Variants in ARHGEF10L observed in about 807,000 individuals in gnomAD.
ARHGEF10L encodes rho guanine nucleotide exchange factor 10-like protein.
A neutral mutation model predicts 141.2 loss-of-function variants in ARHGEF10L; 69 were observed. The observed-to-expected ratio is 0.49, with a 90% confidence interval of 0.40 to 0.60. ARHGEF10L has a LOEUF of 0.60. Ranked by LOEUF, ARHGEF10L falls within the 20% of genes least tolerant of loss-of-function variation. ARHGEF10L has a pLI of 0.00. For synonymous variants in ARHGEF10L, 711 were observed against 718.5 expected (o/e 0.99, Z 0.17); for missense variants, 1,482 against 1,734.3 (o/e 0.85, Z 2.58).
the ARHGEF10L span, among the ~76,000 whole-genome samples, chr1:17,529,824 CTTTTTTTTTT>C: frequency 3.0e-5 from 2 of 67,158 alleles, no homozygotes; most frequent in African/African-American, 5.8e-5. Flanking sequence ...ACACATCAGT[CTTTTTTTTTT>C]TTTTTTTTTT....
intron 1 of ARHGEF10L, among the ~76,000 whole-genome samples, chr1:17,547,617 G>A (rs761745529): frequency 6.6e-6 from 1 of 152,180 alleles, no homozygotes; most frequent in Non-Finnish European, 1.5e-5. Context: ...GTTAAATTAA[G>A]TAGGAAAATA....
chr1:17,549,630 C>T (rs2077040877), intron 1 of ARHGEF10L, among the ~76,000 whole-genome samples: 2 of 152,104 alleles, frequency 1.3e-5, no homozygotes, highest in South Asian at 2.1e-4. Context: ...AGCCCTGAGG[C>T]CAGATGAACT....
Position 17,607,764 on chromosome 1 carries a change from T to C in ARHGEF10L, c.434-38T>C, listed in dbSNP as rs1429080481. On this transcript the variant is annotated intron_variant, in intron 6 of 28. Coordinates refer to ENST00000361221, the MANE Select transcript of ARHGEF10L (RefSeq NM_018125.4). The surrounding 1 kb of genome is among the most constrained non-coding windows in gnomAD (Gnocchi z 4.5). ...GGCTGGAAGTCTGGTAGGCTTGGCC[T>C]CAGGGCCTGGGCTCACCGGCTGCCG... The C allele has an allele frequency of 1.4e-6, 2 of 1,479,034 alleles. No homozygotes were observed. The highest frequency in any genetic ancestry group is 1.8e-6 in the Non-Finnish European group (2 of 1,117,390). The allele number at this position is 1,479,034 out of a possible 1,614,324, so 91.6% of individuals were successfully genotyped here.
chr1:17,590,623 G>A lies in ARHGEF10L; in HGVS notation c.257+2144G>A, dbSNP rs74059334. Among the ~76,000 whole-genome samples the A allele has an allele frequency of 9.7e-3, 1,471 of 152,252 alleles. 25 individuals carry two copies. Among genetic ancestry groups the A allele is most frequent in the African/African-American group, 0.034 (1,403 of 41,536 alleles). On this transcript the variant is annotated intron_variant, in intron 4 of 28. Coordinates refer to ENST00000361221, the MANE Select transcript of ARHGEF10L (RefSeq NM_018125.4). ...CAGGCACGGGGTGAGTGCCAAAGAC[G>A]TCCTTGGTGAACGAATGATGGACAG...
chr1:17,548,646 C>CTTTTTTTT (rs892480738), intron 1 of ARHGEF10L, among the ~76,000 whole-genome samples: 9 of 88,322 alleles, frequency 1.0e-4, no homozygotes, highest in African/African-American at 1.9e-4. Flanking sequence ...CAAAATAATT[C>CTTTTTTTT]TTTTTTTTTT....
At chr1:17,620,755 C>T (rs78646552) in intron 10 of ARHGEF10L, among the ~76,000 whole-genome samples, 4 of 152,084 alleles carry the variant, frequency 2.6e-5, no homozygotes, top group African/African-American at 9.7e-5. Flanking sequence ...CACCTCCCAA[C>T]CCGAGATCGA....
intron 2 of ARHGEF10L, among the ~76,000 whole-genome samples, chr1:17,584,037 A>G (rs1046841301): frequency 6.6e-6 from 1 of 151,696 alleles, no homozygotes. Context: ...TTATTAAAAA[A>G]TTTTTACTTT....
At chr1:17,577,709 T>C (rs951127022) in intron 1 of ARHGEF10L, among the ~76,000 whole-genome samples, 2 of 152,238 alleles carry the variant, frequency 1.3e-5, no homozygotes, top group African/African-American at 4.8e-5. Flanking sequence ...GGCAGTGCGA[T>C]CAGAGGATTG....
chr1:17,629,450 C>T (rs1017503002), intron 15 of ARHGEF10L, among the ~76,000 whole-genome samples: 1 of 152,208 alleles, frequency 6.6e-6, no homozygotes, highest in Non-Finnish European at 1.5e-5. Flanking sequence ...GACCCACCTT[C>T]CCACGTGGCA....
At chr1:17,682,381 A>G (rs2064193925) in intron 26 of ARHGEF10L, among the ~76,000 whole-genome samples, 2 of 152,158 alleles carry the variant, frequency 1.3e-5, no homozygotes, top group South Asian at 4.1e-4. Flanking sequence ...CCCACCACAT[A>G]GGTTCAGAAT....
At chr1:17,657,834 C>T (rs930290865) in intron 25 of ARHGEF10L, among the ~76,000 whole-genome samples, 3 of 152,224 alleles carry the variant, frequency 2.0e-5, no homozygotes, top group Non-Finnish European at 4.4e-5. Flanking sequence ...ACTGTGAGCC[C>T]GGCCTGTGCC....
rs143489900 is a variant in ARHGEF10L at position 17,635,731 on chromosome 1, C to T, written c.1927+715C>T. The stretch of plus-strand genomic sequence containing the variant: ...GGGTGATTGATCGGTTGATGTCTCT[C>T]CTCTCAGCCTGGCTGCAGCTCTGTC... On this transcript the variant is annotated intron_variant, in intron 18 of 28. Coordinates refer to ENST00000361221, the MANE Select transcript of ARHGEF10L (RefSeq NM_018125.4). Among the ~76,000 whole-genome samples, 586 of 152,286 alleles carry T rather than the reference C, an allele frequency of 3.8e-3. 6 individuals carry two copies. The highest frequency in any genetic ancestry group is 4.7e-3 in the Non-Finnish European group (323 of 68,022).
intron 6 of ARHGEF10L, among the ~76,000 whole-genome samples, chr1:17,604,076 G>A (rs1486095022): frequency 6.6e-6 from 1 of 152,098 alleles, no homozygotes; most frequent in Non-Finnish European, 1.5e-5. Flanking sequence ...CTCACCTGAT[G>A]GAAGAGAGGA....
chr1:17,629,012 T>C (rs944015695), intron 15 of ARHGEF10L, among the ~76,000 whole-genome samples: 2 of 152,098 alleles, frequency 1.3e-5, no homozygotes, highest in Non-Finnish European at 2.9e-5. Context: ...ACACAGTATT[T>C]TATTCTATTT....
At chr1:17,565,696 G>C (rs1055678090) in intron 1 of ARHGEF10L, among the ~76,000 whole-genome samples, 2 of 152,190 alleles carry the variant, frequency 1.3e-5, no homozygotes, top group Admixed American at 6.5e-5. Context: ...CTAGGCTCCG[G>C]GACACAGGGC....
At chr1:17,646,611 A>G (rs1264673758) in intron 21 of ARHGEF10L, among the ~76,000 whole-genome samples, 6 of 152,096 alleles carry the variant, frequency 3.9e-5, no homozygotes, top group Non-Finnish European at 5.9e-5. Context: ...CACAACGAAG[A>G]AGAGCCACAC....
intron 22 of ARHGEF10L, among the ~76,000 whole-genome samples, chr1:17,648,895 G>C (rs1292478727): frequency 1.3e-5 from 2 of 152,254 alleles, no homozygotes; most frequent in Non-Finnish European, 2.9e-5. Flanking sequence ...TGTGGGTCAA[G>C]TGAATGGAAA....
At chr1:17,567,324 C>T (rs2077798070) in intron 1 of ARHGEF10L, among the ~76,000 whole-genome samples, 2 of 152,172 alleles carry the variant, frequency 1.3e-5, no homozygotes, top group Non-Finnish European at 1.5e-5. Flanking sequence ...GCTGGTGGAT[C>T]ATTGAAGGTT....
intron 17 of ARHGEF10L, 52 bp downstream of exon 17, chr1:17,634,614 C>G: frequency 6.2e-7 from 1 of 1,604,492 alleles, no homozygotes; most frequent in South Asian, 1.1e-5. Context: ...CTCTGGGGCT[C>G]TGGTGCCATG....
Sources: gnomAD v4.1 joint callset for allele counts (sites outside exome capture counted in the v4.1 genomes callset) on GRCh38, gnomAD v4.1.1 for gene constraint, Gnocchi (gnomAD v3.1) non-coding constraint, MANE v1.5 for transcripts, NCBI Gene and HGNC (gene_info 2026-07-23, HGNC 2026-07-21) for gene names.